Variants in HIP1 observed in about 807,000 individuals in gnomAD.
HIP1 encodes huntingtin-interacting protein 1.
In HIP1, 65 loss-of-function variants were observed where a neutral mutation model predicts 147.6. That is an observed-to-expected ratio of 0.44 (90% CI 0.36 to 0.54). The LOEUF (loss-of-function observed/expected upper bound fraction) is 0.54. Ranked by LOEUF, HIP1 falls within the 20% of genes least tolerant of loss-of-function variation. The pLI is 0.00. For missense variants in HIP1, 1,061 were observed against 1,299.6 expected (o/e 0.82, Z 2.82); for synonymous variants, 479 against 504.0 (o/e 0.95, Z 0.67).
chr7:75,693,467 C>G (rs1018625848), intron 1 of HIP1, among the ~76,000 whole-genome samples: 1 of 152,094 alleles, frequency 6.6e-6, no homozygotes, highest in African/African-American at 2.4e-5. Context: ...AGTGTGCCCT[C>G]CAGGGAAAAG....
chr7:75,557,890 T>A, intron 15 of HIP1, 120 bp from the exon 16 acceptor site: 1 of 766,326 alleles, frequency 1.3e-6, no homozygotes. Flanking sequence ...ATCACTTTCC[T>A]ACCCACAGCC....
chr7:75,725,787 A>G (rs1282300212), intron 1 of HIP1, among the ~76,000 whole-genome samples: 2 of 150,410 alleles, frequency 1.3e-5, no homozygotes, highest in Non-Finnish European at 2.9e-5. Flanking sequence ...ATGATTATGA[A>G]TATTCTTCTA....
At chr7:75,681,560 AC>A (rs1800072219) in intron 1 of HIP1, among the ~76,000 whole-genome samples, 1 of 143,396 alleles carries the variant, frequency 7.0e-6, no homozygotes, top group Non-Finnish European at 1.5e-5. Context: ...AGGCTAAAGT[AC>A]AGTGGCACGA....
At position 75,554,482 on chromosome 7, in the gene HIP1, G is replaced by T; in HGVS notation, c.2008C>A (p.Gln670Lys). 2 of 1,613,940 alleles carry T rather than the reference G, an allele frequency of 1.2e-6. No individual in the cohort carries two copies. Among genetic ancestry groups the T allele is most frequent in the Non-Finnish European group, 1.7e-6 (2 of 1,179,928 alleles). ...TVTSISSCIE[Q>K]LEKSWSQYLA... The stretch of plus-strand genomic sequence containing the variant: ...TACTGGCTCCAGCTTTTCTCCAGTT[G>T]CTCGATGCAGCTGGAAATGGATGTG... Residue 670 changes from glutamine to lysine, a missense_variant, in exon 20 of 31, where the codon CAA becomes AAA. Physicochemically the swap from Gln to Lys is moderately conservative, Grantham distance 53 (BLOSUM62 1). Coordinates refer to ENST00000336926, the MANE Select transcript of HIP1 (RefSeq NM_005338.7).
intron 1 of HIP1, among the ~76,000 whole-genome samples, chr7:75,676,452 T>A (rs1799891390): frequency 6.6e-6 from 1 of 152,104 alleles, no homozygotes; most frequent in African/African-American, 2.4e-5. Flanking sequence ...CACATGGCCA[T>A]CTGCACACCA....
At chr7:75,723,035 G>C (rs529613795) in intron 1 of HIP1, among the ~76,000 whole-genome samples, 1 of 152,158 alleles carries the variant, frequency 6.6e-6, no homozygotes, top group Non-Finnish European at 1.5e-5. Flanking sequence ...CTGCCCTGAA[G>C]CAGGAGTTAC....
intron 1 of HIP1, among the ~76,000 whole-genome samples, chr7:75,645,966 A>C (rs1798787433): frequency 6.6e-6 from 1 of 152,194 alleles, no homozygotes; most frequent in Non-Finnish European, 1.5e-5. Context: ...GTGTTGAAAA[A>C]CTACCTATTG....
At chr7:75,580,290 C>T (rs934095720) in intron 7 of HIP1, among the ~76,000 whole-genome samples, 16 of 152,206 alleles carry the variant, frequency 1.1e-4, no homozygotes, top group African/African-American at 3.4e-4. Context: ...CAAGACTGGA[C>T]CAAGGACTGG....
intron 1 of HIP1, among the ~76,000 whole-genome samples, chr7:75,712,442 C>T (rs1399868363): frequency 6.6e-6 from 1 of 152,130 alleles, no homozygotes; most frequent in African/African-American, 2.4e-5. Context: ...AGGTGGCTCA[C>T]ACTCCAATAG....
intron 1 of HIP1, among the ~76,000 whole-genome samples, chr7:75,665,972 T>A (rs1799547758): frequency 6.6e-6 from 1 of 152,064 alleles, no homozygotes. Context: ...CCTGTATGTA[T>A]GGACTGAAAC....
chr7:75,664,321 T>C (rs1374340809), intron 1 of HIP1, among the ~76,000 whole-genome samples: 1 of 144,908 alleles, frequency 6.9e-6, no homozygotes, highest in South Asian at 2.2e-4. Flanking sequence ...TATGTATACA[T>C]ACACATGCAT....
chr7:75,656,581 G>A (rs1554512706), intron 1 of HIP1, among the ~76,000 whole-genome samples: 1 of 152,106 alleles, frequency 6.6e-6, no homozygotes, highest in Non-Finnish European at 1.5e-5. Flanking sequence ...GGGTTCAAGC[G>A]ATTCTCCTGC....
At chr7:75,596,654 G>C (rs979752773) in intron 2 of HIP1, among the ~76,000 whole-genome samples, 3 of 152,158 alleles carry the variant, frequency 2.0e-5, no homozygotes, top group Non-Finnish European at 4.4e-5. Flanking sequence ...CCAAAGTGCT[G>C]GGATTATAGG....
intron 22 of HIP1, among the ~76,000 whole-genome samples, chr7:75,549,839 GTTT>G (rs34920736): frequency 1.5e-5 from 2 of 136,394 alleles, no homozygotes; most frequent in African/African-American, 2.7e-5. Context: ...CCGGATAATT[GTTT>G]TTTTTTTTTT....
intron 1 of HIP1, among the ~76,000 whole-genome samples, chr7:75,717,878 T>C (rs1054540606): frequency 6.6e-6 from 1 of 150,546 alleles, no homozygotes; most frequent in Non-Finnish European, 1.5e-5. Flanking sequence ...GGCTGAGGCA[T>C]GAGAATTGCT....
chr7:75,559,401 C>T (rs1484817680), intron 14 of HIP1, among the ~76,000 whole-genome samples: 2 of 152,192 alleles, frequency 1.3e-5, no homozygotes, highest in Non-Finnish European at 1.5e-5. Flanking sequence ...CAGGCATGTG[C>T]CACTGTGCCC....
Position 75,664,383 on chromosome 7 carries a change from T to C in HIP1, c.121-65136A>G, listed in dbSNP as rs1554514293. On this transcript the variant is annotated intron_variant, in intron 1 of 30. Coordinates refer to ENST00000336926, the MANE Select transcript of HIP1 (RefSeq NM_005338.7). ...ATACATATATACACATACATATGTG[T>C]ATGTATACGTATACATACATATATA... Among the ~76,000 whole-genome samples, 2 of 139,770 alleles carry C rather than the reference T, an allele frequency of 1.4e-5. 1 individual carries two copies. Among genetic ancestry groups the C allele is most frequent in the East Asian group, 4.3e-4 (2 of 4,676 alleles). The allele number at this position is 139,770 out of a possible 152,430, so 91.7% of individuals were successfully genotyped here.
chr7:75,677,493 C>T (rs1287165620), intron 1 of HIP1, among the ~76,000 whole-genome samples: 4 of 150,426 alleles, frequency 2.7e-5, no homozygotes, highest in Non-Finnish European at 5.9e-5. Flanking sequence ...GTAATCCCAG[C>T]TACTCAGGAG....
chr7:75,616,420 C>T (rs1435206550), intron 1 of HIP1, among the ~76,000 whole-genome samples: 56 of 152,190 alleles, frequency 3.7e-4, no homozygotes, highest in Non-Finnish European at 1.2e-4. Flanking sequence ...CAGGTGCGCA[C>T]CACCACGCCA....
Sources: gnomAD v4.1 joint callset for allele counts (sites outside exome capture counted in the v4.1 genomes callset) on GRCh38, gnomAD v4.1.1 for gene constraint, MANE v1.5 for transcripts, NCBI Gene and HGNC (gene_info 2026-07-23, HGNC 2026-07-21) for gene names.